The following GPC6 variants were observed in gnomAD, a reference collection of about 807,000 sequenced individuals.
GPC6 encodes glypican 6.
Under a neutral mutation model 55.2 loss-of-function variants are expected in GPC6, and 14 were observed. The ratio of observed to expected loss-of-function variants is 0.25; its 90% CI spans 0.17 to 0.40. The LOEUF is 0.40. GPC6 is among the 10% of genes least tolerant of loss of function. The pLI is 1.00. For missense variants in GPC6, 641 were observed against 708.5 expected, an observed-to-expected ratio of 0.90 and a Z score of 1.08; for synonymous variants, 278 against 259.6, an observed-to-expected ratio of 1.07 and a Z score of -0.68.
At chr13:94,008,535 C>CTTGG (rs1315376634) in intron 3 of GPC6, among the ~76,000 whole-genome samples, 4 of 152,174 alleles carry the variant, frequency 2.6e-5, no homozygotes, top group African/African-American at 9.6e-5. Flanking sequence ...ACCTGTAGTT[C>CTTGG]CAGGTACTTG....
At chr13:93,271,336 G>T (rs986266846) in intron 1 of GPC6, among the ~76,000 whole-genome samples, 3 of 152,044 alleles carry the variant, frequency 2.0e-5, no homozygotes, top group Admixed American at 1.3e-4. Flanking sequence ...GTCTCCCTGT[G>T]CTGCCTGCCC....
Position 93,469,611 on chromosome 13 carries a change from C to T in GPC6, c.161-75652C>T, listed in dbSNP as rs138409825. Among the ~76,000 whole-genome samples the T allele has an allele frequency of 2.2e-3, 333 of 152,214 alleles. 1 individual carries two copies. The highest frequency in any genetic ancestry group is 7.9e-3 in the African/African-American group (329 of 41,550). On this transcript the variant is annotated intron_variant, in intron 1 of 8. Transcript: ENST00000377047. ...CAATGAAAGAAATTATGTTTGGACT[C>T]ATCAGCACCAATGTTTGTTTACCAG...
intron 1 of GPC6, among the ~76,000 whole-genome samples, chr13:93,272,492 G>GTATGTATATATATATATATATATATA (rs1877567323): frequency 7.3e-6 from 1 of 137,176 alleles, no homozygotes; most frequent in Non-Finnish European, 1.6e-5. Context: ...TTGTCTGTGT[G>GTATGTATATATATATATATATATATA]TATATATATA....
intron 4 of GPC6, among the ~76,000 whole-genome samples, chr13:94,203,092 T>G (rs1328406068): frequency 1.3e-5 from 2 of 151,656 alleles, no homozygotes; most frequent in Non-Finnish European, 2.9e-5. Flanking sequence ...TAAATATGAC[T>G]CACTTATGTT....
intron 7 of GPC6, among the ~76,000 whole-genome samples, chr13:94,388,359 T>G (rs1483871143): frequency 1.3e-5 from 2 of 152,198 alleles, no homozygotes; most frequent in Non-Finnish European, 2.9e-5. Flanking sequence ...CGTTCAATTA[T>G]AACATCACCC....
chr13:94,353,342 A>G (rs1878644313), intron 6 of GPC6, among the ~76,000 whole-genome samples: 1 of 152,152 alleles, frequency 6.6e-6, no homozygotes, highest in Non-Finnish European at 1.5e-5. Flanking sequence ...TTAGAATTCA[A>G]TGTTTAAACA....
chr13:94,353,564 G>A (rs1047987912), intron 6 of GPC6, among the ~76,000 whole-genome samples: 1 of 151,136 alleles, frequency 6.6e-6, no homozygotes, highest in Admixed American at 6.6e-5. Context: ...TGAAAGTCGT[G>A]TGCGAGGAGC....
In GPC6 at chr13:94,406,903, C is replaced by T. The variant is rs1881391062; in HGVS notation, c.*3686C>T. 6.6e-6 allele frequency: 1 copy of T among 152,136 alleles called. No individual in the cohort carries two copies. Among genetic ancestry groups the T allele is most frequent in the South Asian group, 2.1e-4 (1 of 4,828 alleles). 9.4% of individuals were successfully genotyped at this position (152,136 alleles called of 1,614,324 possible). ...ATTTAAACACATTTCCATTTACTTA[C>T]TAACGAACAGACCTGATTTTTATTT... On this transcript the variant is annotated 3_prime_UTR_variant, in exon 9 of 9. Coordinates refer to ENST00000377047, the MANE Select transcript of GPC6 (RefSeq NM_005708.5).
intron 4 of GPC6, among the ~76,000 whole-genome samples, chr13:94,140,142 A>C (rs1391094030): frequency 6.6e-6 from 1 of 152,096 alleles, no homozygotes; most frequent in Non-Finnish European, 1.5e-5. Context: ...ACTTCAAGGA[A>C]TTCAGGAAAT....
intron 3 of GPC6, among the ~76,000 whole-genome samples, chr13:93,850,131 G>T (rs7334570): frequency 6.6e-6 from 1 of 151,970 alleles, no homozygotes; most frequent in South Asian, 2.1e-4. Context: ...AACAAACCAC[G>T]CATGAAAAAG....
chr13:93,346,249 TC>T (rs1880425266), intron 1 of GPC6, among the ~76,000 whole-genome samples: 3 of 152,218 alleles, frequency 2.0e-5, no homozygotes, highest in Admixed American at 1.3e-4. Flanking sequence ...TTCATGCACT[TC>T]TTTAAGCATC....
chr13:93,474,572 C>T (rs7994607), intron 1 of GPC6, among the ~76,000 whole-genome samples: 51,563 of 151,910 alleles, frequency 0.34, 9,231 homozygotes, highest in East Asian at 0.61. Flanking sequence ...GTTGGTCCTA[C>T]CTTCTGGAAC....
At chr13:93,693,461 CTGTGTGTGTGTGTG>C (rs35459356) in intron 2 of GPC6, among the ~76,000 whole-genome samples, 16 of 139,428 alleles carry the variant, frequency 1.1e-4, no homozygotes, top group African/African-American at 3.4e-4. Context: ...GTATGTATAT[CTGTGTGTGTGTGTG>C]TGTGTGTGTG....
At chr13:94,297,430 C>T (rs898176910) in intron 5 of GPC6, among the ~76,000 whole-genome samples, 1 of 152,042 alleles carries the variant, frequency 6.6e-6, no homozygotes, top group African/African-American at 2.4e-5. Context: ...GTAGTCAGGC[C>T]AAGAGGATTA....
chr13:93,579,002 C>G (rs1015027965), intron 2 of GPC6, among the ~76,000 whole-genome samples: 1 of 152,010 alleles, frequency 6.6e-6, no homozygotes. Context: ...AAGTCAAACA[C>G]AGAACATATT....
At chr13:94,285,267 T>C (rs958434624) in intron 4 of GPC6, among the ~76,000 whole-genome samples, 3 of 152,158 alleles carry the variant, frequency 2.0e-5, no homozygotes, top group African/African-American at 7.2e-5. Flanking sequence ...ATCAGTAGGA[T>C]TGCCTTTTCC....
chr13:93,644,154 G>A (rs745842724), intron 2 of GPC6, among the ~76,000 whole-genome samples: 7 of 151,908 alleles, frequency 4.6e-5, no homozygotes, highest in Non-Finnish European at 8.8e-5. Context: ...TTTTGAAATT[G>A]GTATGTACTT....
At chr13:94,138,309 T>C (rs1887258176) in intron 4 of GPC6, among the ~76,000 whole-genome samples, 1 of 152,244 alleles carries the variant, frequency 6.6e-6, no homozygotes. Context: ...AAACTGTATT[T>C]GCCCTGTCTA....
intron 1 of GPC6, among the ~76,000 whole-genome samples, chr13:93,388,008 G>T (rs564037925): frequency 6.6e-6 from 1 of 152,024 alleles, no homozygotes; most frequent in African/African-American, 2.4e-5. Context: ...CTCTTTCTAT[G>T]GGGCAGGAAT....
Sources: gnomAD v4.1 joint callset for allele counts (sites outside exome capture counted in the v4.1 genomes callset) on GRCh38, gnomAD v4.1.1 for gene constraint, MANE v1.5 for transcripts, NCBI Gene and HGNC (gene_info 2026-07-23, HGNC 2026-07-21) for gene names.